The following COL23A1 variants were observed in gnomAD, a reference collection of about 807,000 sequenced individuals.
COL23A1 encodes collagen type XXIII alpha 1 chain, also known as collagen alpha-1(XXIII) chain.
COL23A1 carries 97 observed loss-of-function variants against 99.3 expected under a neutral mutation model. The ratio of observed to expected loss-of-function variants is 0.98; its 90% CI spans 0.83 to 1.16. The LOEUF is 1.16. Ranked by LOEUF, COL23A1 falls within the 50% of genes most tolerant of loss-of-function variation. COL23A1 has a pLI of 0.00. For missense variants in COL23A1, 762 were observed against 757.4 expected (o/e 1.01, Z -0.07); for synonymous variants, 320 against 308.2 (o/e 1.04, Z -0.40).
intron 2 of COL23A1, among the ~76,000 whole-genome samples, chr5:178,537,450 G>A (rs1761037132): frequency 6.6e-6 from 1 of 152,246 alleles, no homozygotes; most frequent in Admixed American, 6.5e-5. Context: ...CTGGGTCATA[G>A]AACTAGTACC....
chr5:178,423,001 C>T (rs569991852), intron 2 of COL23A1, among the ~76,000 whole-genome samples: 37 of 152,252 alleles, frequency 2.4e-4, no homozygotes, highest in African/African-American at 8.4e-4. Context: ...CAGTCTCACT[C>T]TGTCACCCAG....
intron 2 of COL23A1, among the ~76,000 whole-genome samples, chr5:178,329,978 C>G (rs1409035643): frequency 6.6e-6 from 1 of 151,676 alleles, no homozygotes; most frequent in African/African-American, 2.4e-5. Context: ...CACATGGAAG[C>G]TACCAGTGGC....
rs1764177440 is a variant in COL23A1, at chr5:178,589,859, C to G, written c.294+45G>C. The G allele has an allele frequency of 7.9e-7, 1 of 1,263,702 alleles. No homozygotes were observed. The highest frequency in any genetic ancestry group is 2.7e-5 in the South Asian group (1 of 37,012). 78.3% of individuals were successfully genotyped at this position (1,263,702 alleles called of 1,614,324 possible). A position where few individuals can be genotyped will look rare whatever the true frequency, so the allele number is the denominator to read the frequency against. On this transcript the variant is annotated intron_variant, in intron 1 of 28. Transcript: ENST00000390654. The surrounding 1 kb of genome is among the most constrained non-coding windows in gnomAD (Gnocchi z 5.4). ...GCTCCCAGCGTACCGCCACCCTCAA[C>G]CCGACACACCCAAGTCCGCCCCAGC...
chr5:178,326,951 T>C (rs1431484592), intron 2 of COL23A1, among the ~76,000 whole-genome samples: 7 of 152,168 alleles, frequency 4.6e-5, no homozygotes, highest in South Asian at 4.1e-4. Flanking sequence ...AACTCCTGAC[T>C]TCGTGATCCG....
At chr5:178,418,504 T>C (rs554620136) in intron 2 of COL23A1, among the ~76,000 whole-genome samples, 1 of 152,336 alleles carries the variant, frequency 6.6e-6, no homozygotes, top group Admixed American at 6.5e-5. Context: ...CACTCTAGCA[T>C]GAGTGCCACT....
At chr5:178,239,866 T>C (rs1230994251) in intron 27 of COL23A1, among the ~76,000 whole-genome samples, 2 of 134,030 alleles carry the variant, frequency 1.5e-5, no homozygotes, top group Admixed American at 6.9e-5. Context: ...TCCTGTCTGA[T>C]GTGACAGTGA....
At chr5:178,499,684 T>C (rs1224374366) in intron 2 of COL23A1, among the ~76,000 whole-genome samples, 2 of 152,218 alleles carry the variant, frequency 1.3e-5, no homozygotes, top group Admixed American at 1.3e-4. Context: ...ATCGTATACC[T>C]AATAAATGAT....
At chr5:178,335,123 G>A (rs1459188095) in intron 2 of COL23A1, among the ~76,000 whole-genome samples, 2 of 152,370 alleles carry the variant, frequency 1.3e-5, no homozygotes, top group Non-Finnish European at 2.9e-5. Flanking sequence ...ACGGGAAGTT[G>A]AGGAGGGCCT....
At chr5:178,379,901 G>C (rs1763287988) in intron 2 of COL23A1, among the ~76,000 whole-genome samples, 2 of 150,848 alleles carry the variant, frequency 1.3e-5, no homozygotes, top group Non-Finnish European at 3.0e-5. Context: ...AAAAAGAAAA[G>C]AAAAAGAAAA....
At chr5:178,577,158 C>A (rs1047231516) in intron 1 of COL23A1, among the ~76,000 whole-genome samples, 2 of 152,178 alleles carry the variant, frequency 1.3e-5, no homozygotes, top group African/African-American at 4.8e-5. Context: ...GGTCCCTGCT[C>A]TGCCGTCCGG....
In COL23A1 at chr5:178,560,685, G is replaced by T. The variant is rs1026548252; in HGVS notation, c.358C>A (p.Pro120Thr). 6 of 1,612,792 alleles carry T rather than the reference G, an allele frequency of 3.7e-6. No individual in the cohort carries two copies. Among genetic ancestry groups the T allele is most frequent in the Non-Finnish European group, 5.1e-6 (6 of 1,179,662 alleles). The change falls in exon 2 of 29, where the codon CCA (proline) becomes ACA (threonine). Residue 120 changes from proline to threonine, a missense_variant. Pro to Thr is a conservative substitution (Grantham distance 38, BLOSUM62 -1). Coordinates refer to ENST00000390654, the MANE Select transcript of COL23A1 (RefSeq NM_173465.4). ...AGGGAGCTCAACCTTCACTTACCTGGGGGGCAGACACATTCGGATGGAGCT... is the reference window on the plus strand; with the variant it reads ...AGGGAGCTCAACCTTCACTTACCTGTGGGGCAGACACATTCGGATGGAGCT... ...REAPSECVCP[P>T]GPPGRRGKPG...
intron 2 of COL23A1, among the ~76,000 whole-genome samples, chr5:178,411,430 T>C (rs528708708): frequency 5.9e-5 from 9 of 152,170 alleles, no homozygotes; most frequent in Non-Finnish European, 1.2e-4. Context: ...CAAACTGTGA[T>C]ACACACATGG....
chr5:178,499,904 C>T (rs1251119018), intron 2 of COL23A1, among the ~76,000 whole-genome samples: 1 of 152,126 alleles, frequency 6.6e-6, no homozygotes, highest in South Asian at 2.1e-4. Context: ...AATGCTACAC[C>T]ATGGGTGAAT....
chr5:178,500,424 C>CCAAAA lies in COL23A1; in HGVS notation c.361+60257_361+60258insTTTTG, dbSNP rs1554184902. On this transcript the variant is annotated intron_variant, in intron 2 of 28. Coordinates refer to ENST00000390654, the MANE Select transcript of COL23A1 (RefSeq NM_173465.4). ...GCAACAAAGCAAGACCCCATCTCTA[C>CCAAAA]AAAAAAAAAAAAAAAAAAAAAATGG... Among the ~76,000 whole-genome samples the CCAAAA allele has an allele frequency of 3.6e-3, 234 of 65,620 alleles. 10 individuals are homozygous for CCAAAA. The highest frequency in any genetic ancestry group is 0.03 in the East Asian group (69 of 2,322). The allele number at this position is 65,620 out of a possible 152,430, so 43.0% of individuals were successfully genotyped here.
intron 1 of COL23A1, among the ~76,000 whole-genome samples, chr5:178,579,228 A>T (rs1417574557): frequency 6.6e-6 from 1 of 152,242 alleles, no homozygotes; most frequent in Non-Finnish European, 1.5e-5. Context: ...TCAGTCAAAG[A>T]AAAAACTCTA....
intron 15 of COL23A1, chr5:178,256,008 C>A: frequency 4.1e-6 from 1 of 242,702 alleles, no homozygotes. Flanking sequence ...CAAGGCCTGG[C>A]CCACTGTGGC....
At position 178,541,326 on chromosome 5, in the gene COL23A1, G is replaced by A. The variant is rs571316197; in HGVS notation, c.361+19356C>T. Among the ~76,000 whole-genome samples, 51 of 152,338 alleles carry A rather than the reference G, an allele frequency of 3.3e-4. No individual in the cohort carries two copies. The South Asian group carries it at 9.7e-3, about 29-fold the overall frequency. On this transcript the variant is annotated intron_variant, in intron 2 of 28. Transcript: ENST00000390654. ...TTTGGGGCCGGGCACAGTGGCTCAT[G>A]CCTGTAATCCCAGCACTTTGGGAGG...
At position 178,247,837 on chromosome 5, in the gene COL23A1, G is replaced by A. The variant is rs1764793715; in HGVS notation, c.1213-6C>T. 2 of 1,610,944 alleles carry A rather than the reference G, an allele frequency of 1.2e-6. No individual in the cohort carries two copies. Among genetic ancestry groups the A allele is most frequent in the Non-Finnish European group, 1.7e-6 (2 of 1,178,540 alleles). Reference sequence around the variant, plus strand: ...GGCTCCACTATGAGCTGAGCCTAGGGAGGGTGAGAGACAGGTTAGTCACCC... The same window carrying A: ...GGCTCCACTATGAGCTGAGCCTAGGAAGGGTGAGAGACAGGTTAGTCACCC... On this transcript the variant is annotated splice_region_variant and splice_polypyrimidine_tract_variant and intron_variant, in intron 20 of 28. Coordinates refer to ENST00000390654, the MANE Select transcript of COL23A1 (RefSeq NM_173465.4).
intron 1 of COL23A1, among the ~76,000 whole-genome samples, chr5:178,570,144 G>A (rs1763020732): frequency 6.9e-6 from 1 of 144,144 alleles, no homozygotes; most frequent in Non-Finnish European, 1.5e-5. Flanking sequence ...ACAGGGTCTT[G>A]CTCTGTCACC....
Sources: gnomAD v4.1 joint callset for allele counts (sites outside exome capture counted in the v4.1 genomes callset) on GRCh38, gnomAD v4.1.1 for gene constraint, Gnocchi (gnomAD v3.1) non-coding constraint, MANE v1.5 for transcripts, NCBI Gene and HGNC (gene_info 2026-07-23, HGNC 2026-07-21) for gene names.